SMG6: variants seen among roughly 807,000 people sequenced by gnomAD.
The protein encoded by SMG6 is SMG6 nonsense mediated mRNA decay factor.
Under a neutral mutation model 142.2 loss-of-function variants are expected in SMG6, and 66 were observed. The ratio of observed to expected loss-of-function variants is 0.46; its 90% confidence interval spans 0.38 to 0.57. The LOEUF is 0.57. Ranked by LOEUF, SMG6 falls within the 20% of genes least tolerant of loss-of-function variation. SMG6 has a pLI of 0.00. For missense variants in SMG6, 1,793 were observed against 1,832.0 expected (o/e 0.98, Z 0.39); for synonymous variants, 779 against 702.4 (o/e 1.11, Z -1.72).
chr17:2,129,010 T>C (rs1395000780), intron 13 of SMG6, among the ~76,000 whole-genome samples: 1 of 152,016 alleles, frequency 6.6e-6, no homozygotes, highest in Non-Finnish European at 1.5e-5. Context: ...TTTGGGAGAG[T>C]ACACTGGACT....
intron 1 of SMG6, among the ~76,000 whole-genome samples, chr17:2,301,789 C>T (rs1263055759): frequency 6.6e-6 from 1 of 152,186 alleles, no homozygotes; most frequent in East Asian, 1.9e-4. Context: ...TTGCAGTACG[C>T]GGAGATCGCG....
At chr17:2,303,038 A>C in intron 1 of SMG6, 1 of 985,444 alleles carries the variant, frequency 1.0e-6, no homozygotes, top group East Asian at 1.1e-4. Context: ...TGGAGACTTG[A>C]AATTAACTTG....
At chr17:2,144,427 G>T (rs2070598034) in intron 13 of SMG6, among the ~76,000 whole-genome samples, 1 of 151,998 alleles carries the variant, frequency 6.6e-6, no homozygotes. Flanking sequence ...GGCGGGTCTG[G>T]AACTCCAGAG....
chr17:2,099,531 T>G (rs1265849607), intron 13 of SMG6, among the ~76,000 whole-genome samples: 1 of 152,050 alleles, frequency 6.6e-6, no homozygotes, highest in Non-Finnish European at 1.5e-5. Context: ...CCCCACAGCA[T>G]ATTAAAAAAT....
intron 8 of SMG6, among the ~76,000 whole-genome samples, chr17:2,269,676 C>T (rs2074505184): frequency 6.6e-6 from 1 of 152,134 alleles, no homozygotes; most frequent in South Asian, 2.1e-4. Flanking sequence ...AACTGTCCTT[C>T]TCAACTTTCA....
chr17:2,116,103 C>T (rs1243895325), intron 13 of SMG6, among the ~76,000 whole-genome samples: 6 of 152,118 alleles, frequency 3.9e-5, no homozygotes, highest in Non-Finnish European at 7.3e-5. Context: ...CAGGATCTCG[C>T]TGTGTTGCCC....
At chr17:2,282,888 T>C (rs979618494) in intron 7 of SMG6, 29 bp from the exon 8 acceptor site, 4 of 1,607,838 alleles carry the variant, frequency 2.5e-6, no homozygotes, top group South Asian at 2.2e-5. Context: ...CATTAGCTCA[T>C]GGCCTGGTGT....
chr17:2,202,171 A>AT (rs540255094), intron 10 of SMG6, among the ~76,000 whole-genome samples: 173 of 152,380 alleles, frequency 1.1e-3, no homozygotes, highest in African/African-American at 3.9e-3. Flanking sequence ...AAAACACCAA[A>AT]TATCCATCAA....
In SMG6 at chr17:2,249,184, C is replaced by T. The variant is rs138933392; in HGVS notation, c.2662-4465G>A. ...CTGGGATTACAGGCGTGAGCCACCG[C>T]GAGAACTCTTAACTGACCCCAAACC... On this transcript the variant is annotated intron_variant, in intron 8 of 18. Coordinates refer to ENST00000263073, the MANE Select transcript of SMG6 (RefSeq NM_017575.5). Among the ~76,000 whole-genome samples the T allele has an allele frequency of 1.7e-3, 253 of 151,726 alleles. 1 individual carries two copies. Among genetic ancestry groups the T allele is most frequent in the African/African-American group, 5.8e-3 (240 of 41,406 alleles).
intron 8 of SMG6, among the ~76,000 whole-genome samples, chr17:2,254,513 T>C (rs1208609863): frequency 1.3e-5 from 2 of 152,138 alleles, no homozygotes; most frequent in Non-Finnish European, 2.9e-5. Context: ...TTTTGTATTT[T>C]TAGTAGAGAC....
chr17:2,281,519 C>T (rs2074785565), intron 8 of SMG6, among the ~76,000 whole-genome samples: 1 of 152,134 alleles, frequency 6.6e-6, no homozygotes, highest in Non-Finnish European at 1.5e-5. Flanking sequence ...TCACTTCTTC[C>T]CACCTCCAAA....
chr17:2,061,719 T>G (rs1597310889), intron 18 of SMG6, 97 bp from the exon 19 acceptor site: 1 of 1,376,598 alleles, frequency 7.3e-7, no homozygotes, highest in Non-Finnish European at 9.9e-7. Context: ...GGGGAGGGGG[T>G]GCCACGCTAG....
Position 2,061,603 on chromosome 17 carries a change from C to T in SMG6, c.4149G>A (p.Leu1383=). 6.4e-7 allele frequency: 1 copy of T among 1,572,284 alleles called. No homozygotes were observed. Among genetic ancestry groups the T allele is most frequent in the Non-Finnish European group, 8.6e-7 (1 of 1,158,512 alleles). ...CATCCGTCAACAGCACCACCTCCCG[C>T]AGTAGCCGGATTGGCTCCTCTGTGG... ...PASKEEPIRL[L]REVVLLTDDR... Residue 1383 remains leucine (L), a synonymous_variant, in exon 19 of 19, where the codon CTG becomes CTA. Transcript: ENST00000263073.
intron 13 of SMG6, among the ~76,000 whole-genome samples, chr17:2,090,131 C>T (rs1433625003): frequency 2.8e-5 from 4 of 145,050 alleles, no homozygotes; most frequent in African/African-American, 5.1e-5. Flanking sequence ...TGCAGTGAGC[C>T]GAGATTGCAC....
chr17:2,212,017 A>G (rs565368105), intron 10 of SMG6, among the ~76,000 whole-genome samples: 1 of 152,358 alleles, frequency 6.6e-6, no homozygotes, highest in South Asian at 2.1e-4. Context: ...TTCAAATCTG[A>G]TCAGCATCTC....
chr17:2,078,772 A>G (rs987492873), intron 15 of SMG6, among the ~76,000 whole-genome samples: 6 of 152,180 alleles, frequency 3.9e-5, no homozygotes, highest in Non-Finnish European at 7.3e-5. Context: ...GAGGAAGCCC[A>G]GGAGGGTGGT....
At chr17:2,166,506 G>A (rs1286871691) in intron 13 of SMG6, among the ~76,000 whole-genome samples, 1 of 152,162 alleles carries the variant, frequency 6.6e-6, no homozygotes, top group Non-Finnish European at 1.5e-5. Flanking sequence ...CCCTCGGGCT[G>A]GAGTATGGTG....
In SMG6 at chr17:2,280,623, T is replaced by A. The variant is rs1280226774; in HGVS notation, c.2661+2024A>T. ...AAATGAAAAGCTCAAACTCAAAGAT[T>A]TAAATTTAAAGAAAATTAAGGGTAA... On this transcript the variant is annotated intron_variant, in intron 8 of 18. Transcript: ENST00000263073. 5.1e-6 allele frequency: 5 copies of A among 983,248 alleles called. No individual in the cohort carries two copies. The Admixed American group carries it at 1.8e-4, about 36-fold the overall frequency. 60.9% of individuals were successfully genotyped at this position (983,248 alleles called of 1,614,324 possible). A position where few individuals can be genotyped will look rare whatever the true frequency, so the allele number is the denominator to read the frequency against.
At chr17:2,244,134 G>A (rs958568562) in intron 9 of SMG6, among the ~76,000 whole-genome samples, 4 of 152,208 alleles carry the variant, frequency 2.6e-5, no homozygotes, top group Admixed American at 2.6e-4. Context: ...ATCCATGGTG[G>A]ATGATGAAAC....
Sources: allele counts gnomAD v4.1 joint callset (sites outside exome capture counted in the v4.1 genomes callset), GRCh38; gene constraint gnomAD v4.1.1; transcripts MANE v1.5; gene names NCBI Gene and HGNC (gene_info 2026-07-23, HGNC 2026-07-21).